NCKAP5: variants seen among roughly 807,000 people sequenced by gnomAD.
NCKAP5 encodes nck-associated protein 5.
A neutral mutation model predicts 167.0 loss-of-function variants in NCKAP5; 92 were observed. The observed-to-expected ratio is 0.55, with a 90% CI of 0.47 to 0.66. The LOEUF (loss-of-function observed/expected upper bound fraction) is 0.66, where lower values mean the gene tolerates loss of function less well. NCKAP5 is among the 30% of genes least tolerant of loss of function. The pLI is 0.00. For missense variants in NCKAP5, 2,378 were observed against 2,315.0 expected (o/e 1.03, Z -0.56); for synonymous variants, 891 against 877.4 (o/e 1.02, Z -0.27).
intron 5 of NCKAP5, among the ~76,000 whole-genome samples, chr2:133,170,003 C>T (rs974034857): frequency 1.2e-4 from 18 of 152,100 alleles, no homozygotes; most frequent in Admixed American, 5.9e-4. Context: ...AATCATCAGA[C>T]CCTGACTTTC....
At chr2:133,582,625 T>C in the NCKAP5 span, among the ~76,000 whole-genome samples, 1 of 152,228 alleles carries the variant, frequency 6.6e-6, no homozygotes, top group Non-Finnish European at 1.5e-5. Context: ...TCATCATGAA[T>C]TCTAATCAAA....
the NCKAP5 span, among the ~76,000 whole-genome samples, chr2:133,625,870 CAA>C: frequency 3.4e-4 from 30 of 88,928 alleles, no homozygotes; most frequent in Admixed American, 5.1e-4. Context: ...AGACTTGTCT[CAA>C]AAAAAAAAAA....
At chr2:132,981,820 T>G (rs1283862481) in intron 7 of NCKAP5, among the ~76,000 whole-genome samples, 5 of 152,230 alleles carry the variant, frequency 3.3e-5, no homozygotes, top group Admixed American at 1.3e-4. Context: ...TCTTAATTTC[T>G]TTTGCTTTGG....
chr2:132,801,910 T>G (rs999388513), intron 11 of NCKAP5, among the ~76,000 whole-genome samples: 5 of 152,164 alleles, frequency 3.3e-5, no homozygotes, highest in African/African-American at 1.2e-4. Flanking sequence ...TAGTTAATGA[T>G]GGCAGCAGAG....
intron 6 of NCKAP5, among the ~76,000 whole-genome samples, chr2:133,120,083 T>C (rs971025280): frequency 3.3e-5 from 5 of 152,168 alleles, no homozygotes; most frequent in African/African-American, 1.2e-4. Flanking sequence ...AAGAAACGTA[T>C]ATTTCTGTCT....
At chr2:132,887,842 G>T (rs1651264526) in intron 8 of NCKAP5, among the ~76,000 whole-genome samples, 2 of 152,134 alleles carry the variant, frequency 1.3e-5, no homozygotes, top group African/African-American at 2.4e-5. Context: ...TAGAGATAAG[G>T]TATTGCTATG....
intron 3 of NCKAP5, among the ~76,000 whole-genome samples, chr2:133,501,028 G>A (rs754919440): frequency 3.9e-5 from 6 of 152,162 alleles, no homozygotes; most frequent in Non-Finnish European, 7.3e-5. Context: ...TCCTGTGCTA[G>A]GCGCTTGATA....
At chr2:133,369,290 G>A (rs1685651030) in intron 3 of NCKAP5, among the ~76,000 whole-genome samples, 1 of 152,188 alleles carries the variant, frequency 6.6e-6, no homozygotes, top group African/African-American at 2.4e-5. Flanking sequence ...AGCAATGTCT[G>A]ATGTTGGGCA....
At chr2:133,173,920 T>C (rs951332455) in intron 5 of NCKAP5, among the ~76,000 whole-genome samples, 13 of 152,202 alleles carry the variant, frequency 8.5e-5, no homozygotes, top group African/African-American at 1.7e-4. Flanking sequence ...TATGAGACAT[T>C]TGGAAATCAG....
At chr2:132,865,304 C>A (rs549099761) in intron 10 of NCKAP5, among the ~76,000 whole-genome samples, 3 of 152,236 alleles carry the variant, frequency 2.0e-5, no homozygotes, top group Non-Finnish European at 4.4e-5. Context: ...CCCTAAAAGC[C>A]TTCGGATTAA....
In NCKAP5 at chr2:133,038,777, A is replaced by T. The variant is rs192157750; in HGVS notation, c.342-44538T>A. Among the ~76,000 whole-genome samples, 762 of 152,098 alleles carry T rather than the reference A, an allele frequency of 5.0e-3. 5 individuals carry two copies. Among genetic ancestry groups the T allele is most frequent in the African/African-American group, 0.016 (679 of 41,492 alleles). On this transcript the variant is annotated intron_variant, in intron 6 of 19. Coordinates refer to ENST00000409261, the MANE Select transcript of NCKAP5 (RefSeq NM_207363.3). ...TACCTACTATGTACCCAGAAAAATT[A>T]AAAAAAATAAATAAAATCAAAGGTT...
Position 133,490,119 on chromosome 2 carries a change from A to G in NCKAP5, c.69+27339T>C, listed in dbSNP as rs532942180. The stretch of plus-strand genomic sequence containing the variant: ...TTGGCATCTTTTCATTTTCAACATA[A>G]TTTCCTGAATATCCAAATGAGGAGT... On this transcript the variant is annotated intron_variant, in intron 3 of 19. Transcript: ENST00000409261. Among the ~76,000 whole-genome samples, 8 of 152,226 alleles carry G rather than the reference A, an allele frequency of 5.3e-5. 1 individual carries two copies. The South Asian group carries it at 1.7e-3, about 32-fold the overall frequency.
At chr2:133,377,607 G>C (rs939135938) in intron 3 of NCKAP5, among the ~76,000 whole-genome samples, 1 of 152,144 alleles carries the variant, frequency 6.6e-6, no homozygotes, top group Admixed American at 6.6e-5. Context: ...AGAAAAATGG[G>C]TTTAAGTAGC....
chr2:133,650,310 T>C, the NCKAP5 span, among the ~76,000 whole-genome samples: 2 of 152,078 alleles, frequency 1.3e-5, no homozygotes, highest in Non-Finnish European at 2.9e-5. Context: ...ACAGATTCAA[T>C]CTAATAACTA....
At chr2:133,517,280 A>G (rs1355475708) in intron 3 of NCKAP5, among the ~76,000 whole-genome samples, 178 bp downstream of exon 3, 3 of 152,256 alleles carry the variant, frequency 2.0e-5, no homozygotes, top group Admixed American at 6.5e-5. Context: ...CAAACATTCC[A>G]ATAATTTGCT....
At chr2:133,114,795 A>G (rs954923651) in intron 6 of NCKAP5, among the ~76,000 whole-genome samples, 15 of 152,076 alleles carry the variant, frequency 9.9e-5, no homozygotes, top group Admixed American at 2.6e-4. Context: ...TAAGTTGTTC[A>G]TTGTATCTAC....
At chr2:132,881,668 C>A (rs1691770941) in intron 8 of NCKAP5, among the ~76,000 whole-genome samples, 1 of 150,988 alleles carries the variant, frequency 6.6e-6, no homozygotes, top group South Asian at 2.1e-4. Context: ...AGTGCACAGG[C>A]AATGCTGGGC....
chr2:133,371,171 CAG>C (rs1685782801), intron 3 of NCKAP5, among the ~76,000 whole-genome samples: 5 of 152,184 alleles, frequency 3.3e-5, no homozygotes, highest in African/African-American at 9.7e-5. Context: ...TCCCAAATAA[CAG>C]AGAATCTGCT....
At chr2:133,162,547 T>A (rs1280101292) in intron 5 of NCKAP5, among the ~76,000 whole-genome samples, 3 of 152,180 alleles carry the variant, frequency 2.0e-5, no homozygotes, top group African/African-American at 7.2e-5. Context: ...AAAATCAGCA[T>A]AATCTACAGA....
Sources: allele counts gnomAD v4.1 joint callset (sites outside exome capture counted in the v4.1 genomes callset), GRCh38; gene constraint gnomAD v4.1.1; transcripts MANE v1.5; gene names NCBI Gene and HGNC (gene_info 2026-07-23, HGNC 2026-07-21).